FTCDNL1: variants seen among roughly 807,000 people sequenced by gnomAD.
FTCDNL1 encodes formiminotransferase N-terminal subdomain-containing protein.
A neutral mutation model predicts 5.9 loss-of-function variants in FTCDNL1; 11 were observed. The observed-to-expected ratio is 1.87, with a 90% CI of 1.18 to 3.10. The LOEUF (loss-of-function observed/expected upper bound fraction) is 3.10. Ranked by LOEUF, FTCDNL1 falls within the 30% of genes most tolerant of loss-of-function variation. FTCDNL1 has a pLI of 0.00. For synonymous variants in FTCDNL1, 58 were observed against 24.8 expected (o/e 2.34, Z -3.99); for missense variants, 115 against 65.5 (o/e 1.76, Z -2.61).
chr2:199,664,006 C>T, the FTCDNL1 span, among the ~76,000 whole-genome samples: 5 of 151,186 alleles, frequency 3.3e-5, no homozygotes, highest in Non-Finnish European at 5.9e-5. Flanking sequence ...GATACACTGA[C>T]GTGCTCTTCA....
chr2:199,758,098 T>C (rs1447334260), downstream of FTCDNL1, among the ~76,000 whole-genome samples: 1 of 151,420 alleles, frequency 6.6e-6, no homozygotes, highest in Non-Finnish European at 1.5e-5. Flanking sequence ...GAGCTGGGGG[T>C]CCAAAAGGAA....
the FTCDNL1 span, among the ~76,000 whole-genome samples, chr2:199,683,545 C>T: frequency 6.6e-6 from 1 of 151,200 alleles, no homozygotes; most frequent in East Asian, 1.9e-4. Context: ...ACTGAGATTT[C>T]CATATAGGTG....
the FTCDNL1 span, among the ~76,000 whole-genome samples, chr2:199,719,019 T>C: frequency 6.6e-6 from 1 of 152,204 alleles, no homozygotes; most frequent in Non-Finnish European, 1.5e-5. Context: ...TGACTATTTC[T>C]TTCACTGTGC....
chr2:199,714,926 C>T, the FTCDNL1 span, among the ~76,000 whole-genome samples: 24 of 141,888 alleles, frequency 1.7e-4, no homozygotes, highest in Non-Finnish European at 2.9e-4. Flanking sequence ...GGGAACATCA[C>T]ACACCGGGGC....
chr2:199,795,280 G>A (rs964475504), intron 3 of FTCDNL1, among the ~76,000 whole-genome samples: 37 of 152,114 alleles, frequency 2.4e-4, no homozygotes, highest in Non-Finnish European at 4.3e-4. Context: ...TAGATCAGAC[G>A]TGATGGCTGA....
At chr2:199,778,892 C>T (rs1257832625) in intron 3 of FTCDNL1, among the ~76,000 whole-genome samples, 2 of 152,120 alleles carry the variant, frequency 1.3e-5, no homozygotes, top group Non-Finnish European at 1.5e-5. Context: ...CTCTATAAAG[C>T]GCATGAGTAA....
At chr2:199,699,350 C>T in the FTCDNL1 span, among the ~76,000 whole-genome samples, 28 of 152,088 alleles carry the variant, frequency 1.8e-4, no homozygotes, top group African/African-American at 6.5e-4. Context: ...ACCTATAGTC[C>T]CAGCTACCTG....
At chr2:199,819,318 C>T (rs552943564) in intron 4 of FTCDNL1, 1 of 459,230 alleles carries the variant, frequency 2.2e-6, no homozygotes, top group Non-Finnish European at 3.9e-6. Context: ...TCAGTGATCA[C>T]GTTGCAGGGC....
At chr2:199,685,760 T>C in the FTCDNL1 span, among the ~76,000 whole-genome samples, 3 of 152,214 alleles carry the variant, frequency 2.0e-5, no homozygotes, top group Non-Finnish European at 4.4e-5. Context: ...GTGAAGAATA[T>C]AACCCCACAA....
chr2:199,811,712 C>T lies in FTCDNL1; in HGVS notation c.*993G>A, dbSNP rs1701047054. ...CCTGGGACTTTTCCTGAATCCCTCA[C>T]CCAGCAAATTCCAAGACATCCTCTT... On this transcript the variant is annotated 3_prime_UTR_variant, in exon 5 of 5. Transcript: ENST00000420128. Among the ~76,000 whole-genome samples, 1 of 152,180 alleles carries T rather than the reference C, an allele frequency of 6.6e-6. No individual in the cohort carries two copies. Among genetic ancestry groups the T allele is most frequent in the Non-Finnish European group, 1.5e-5 (1 of 68,034 alleles).
At chr2:199,802,633 T>C (rs1381839115) in intron 3 of FTCDNL1, among the ~76,000 whole-genome samples, 1 of 152,190 alleles carries the variant, frequency 6.6e-6, no homozygotes, top group South Asian at 2.1e-4. Context: ...CTGGGTCCTA[T>C]GGCTGACTTG....
chr2:199,760,851 GGA>G (rs1482540107), intron 3 of FTCDNL1: 1 of 702,214 alleles, frequency 1.4e-6, no homozygotes, highest in African/African-American at 1.7e-5. Flanking sequence ...AATAAGGGAA[GGA>G]GAGATTAGTA....
the FTCDNL1 span, among the ~76,000 whole-genome samples, chr2:199,696,693 TAC>T: frequency 6.6e-6 from 1 of 151,698 alleles, no homozygotes; most frequent in African/African-American, 2.4e-5. Context: ...AACATCAGTT[TAC>T]ACAGATGAGA....
At chr2:199,765,612 A>C (rs1447793068) in intron 3 of FTCDNL1, among the ~76,000 whole-genome samples, 1 of 128,162 alleles carries the variant, frequency 7.8e-6, no homozygotes, top group Non-Finnish European at 1.6e-5. Context: ...CAGGGGCGTG[A>C]TCTCAGCTCA....
At chr2:199,731,644 T>C in the FTCDNL1 span, among the ~76,000 whole-genome samples, 1 of 152,148 alleles carries the variant, frequency 6.6e-6, no homozygotes, top group African/African-American at 2.4e-5. Context: ...ATCCCAGCAC[T>C]TTGGGAGGCC....
At chr2:199,743,493 T>C in the FTCDNL1 span, among the ~76,000 whole-genome samples, 1 of 152,242 alleles carries the variant, frequency 6.6e-6, no homozygotes, top group African/African-American at 2.4e-5. Flanking sequence ...AGAGTACATA[T>C]TCATTGAACG....
the FTCDNL1 span, among the ~76,000 whole-genome samples, chr2:199,721,608 T>C: frequency 6.6e-6 from 1 of 152,222 alleles, no homozygotes; most frequent in African/African-American, 2.4e-5. Context: ...ATCTTTATAA[T>C]AGAATGATTT....
the FTCDNL1 span, among the ~76,000 whole-genome samples, chr2:199,677,840 A>C: frequency 6.6e-6 from 1 of 152,252 alleles, no homozygotes; most frequent in African/African-American, 2.4e-5. Flanking sequence ...ACTGATGTGA[A>C]CAAGAAAGTA....
the FTCDNL1 span, among the ~76,000 whole-genome samples, chr2:199,703,901 C>T: frequency 1.4e-4 from 21 of 152,130 alleles, no homozygotes; most frequent in Admixed American, 1.3e-4. Context: ...GAATTACCCT[C>T]CCCTTCCCAT....
Sources: allele counts gnomAD v4.1 joint callset (sites outside exome capture counted in the v4.1 genomes callset), GRCh38; gene constraint gnomAD v4.1.1; transcripts MANE v1.5; gene names NCBI Gene and HGNC (gene_info 2026-07-23, HGNC 2026-07-21).